CRYBG3: variants seen among roughly 807,000 people sequenced by gnomAD.
CRYBG3 encodes crystallin beta-gamma domain containing 3.
A neutral mutation model predicts 244.2 loss-of-function variants in CRYBG3; 127 were observed. That is an observed-to-expected ratio of 0.52 (90% CI 0.45 to 0.60). The LOEUF is 0.60. Ranked by LOEUF, CRYBG3 falls within the 20% of genes least tolerant of loss-of-function variation. The probability of loss-of-function intolerance (pLI) is 0.00; values close to 1 mark genes in which losing one functional copy is unlikely to be tolerated. For missense variants in CRYBG3, 3,325 were observed against 3,442.5 expected (o/e 0.97, Z 0.85); for synonymous variants, 1,132 against 1,195.8 (o/e 0.95, Z 1.10).
rs1472030590 is a variant in CRYBG3 at position 97,881,060 on chromosome 3, C to T, written c.7005-12C>T. On this transcript the variant is annotated splice_polypyrimidine_tract_variant and intron_variant, in intron 6 of 21. Transcript: ENST00000389622. ...TTAAATATAACTCATCATTGCATTT[C>T]TCTTTGTTTAGCTGGATTTTATATG... The T allele has an allele frequency of 3.8e-6, 6 of 1,570,380 alleles. No individual in the cohort carries two copies. Among genetic ancestry groups the T allele is most frequent in the Admixed American group, 2.0e-5 (1 of 50,094 alleles).
chr3:97,870,221 G>A (rs1002389646), intron 3 of CRYBG3, among the ~76,000 whole-genome samples: 5 of 152,132 alleles, frequency 3.3e-5, no homozygotes, highest in African/African-American at 1.2e-4. Flanking sequence ...AGGGTTTGGT[G>A]TACAGATTAT....
intron 12 of CRYBG3, 120 bp downstream of exon 12, chr3:97,896,205 C>A: frequency 1.1e-6 from 1 of 874,814 alleles, no homozygotes; most frequent in Non-Finnish European, 1.7e-6. Context: ...AGAGTATTAA[C>A]CTCAACTGCT....
chr3:97,901,812 G>T (rs985985317), intron 15 of CRYBG3, among the ~76,000 whole-genome samples: 4 of 152,006 alleles, frequency 2.6e-5, no homozygotes, highest in African/African-American at 9.7e-5. Flanking sequence ...GGATTTTCTT[G>T]ATAGTATTTC....
At chr3:97,926,044 G>T (rs1476995335) in intron 17 of CRYBG3, among the ~76,000 whole-genome samples, 2 of 151,944 alleles carry the variant, frequency 1.3e-5, no homozygotes, top group African/African-American at 4.8e-5. Context: ...GAGTGACCCT[G>T]GGCGTGTTTC....
chr3:97,932,912 T>C (rs953171477), intron 17 of CRYBG3, among the ~76,000 whole-genome samples: 3 of 152,124 alleles, frequency 2.0e-5, no homozygotes, highest in African/African-American at 7.2e-5. Flanking sequence ...GCTTGATTCC[T>C]GCTCCCTTCT....
chr3:97,870,026 G>A (rs866401278), intron 3 of CRYBG3, among the ~76,000 whole-genome samples: 108 of 152,066 alleles, frequency 7.1e-4, no homozygotes, highest in Middle Eastern at 3.4e-3. Flanking sequence ...ACTGAATTTC[G>A]AAATTATTCA....
chr3:97,836,223 C>T (rs140411323), intron 1 of CRYBG3, among the ~76,000 whole-genome samples: 11 of 152,190 alleles, frequency 7.2e-5, no homozygotes, highest in African/African-American at 2.6e-4. Context: ...CCTTTCCTCT[C>T]TCCTCCTGAT....
chr3:97,903,252 G>GA (rs562015986), intron 15 of CRYBG3, among the ~76,000 whole-genome samples: 73 of 152,214 alleles, frequency 4.8e-4, no homozygotes, highest in African/African-American at 1.7e-3. Flanking sequence ...ATGTATGGGG[G>GA]ATAGGAAAAT....
At chr3:97,907,141 G>A (rs914667927) in intron 15 of CRYBG3, among the ~76,000 whole-genome samples, 23 of 152,156 alleles carry the variant, frequency 1.5e-4, no homozygotes, top group Admixed American at 7.9e-4. Context: ...TGCTGGATTC[G>A]GTTTGCCAGT....
chr3:97,926,146 T>G (rs954945502), intron 17 of CRYBG3, among the ~76,000 whole-genome samples: 4 of 152,014 alleles, frequency 2.6e-5, no homozygotes, highest in Non-Finnish European at 5.9e-5. Context: ...ATATGCCTGA[T>G]GAACAAAGAT....
intron 17 of CRYBG3, among the ~76,000 whole-genome samples, chr3:97,929,483 C>CT (rs1317363151): frequency 1.3e-5 from 2 of 151,890 alleles, no homozygotes; most frequent in African/African-American, 2.4e-5. Flanking sequence ...ACTGTGTTGA[C>CT]TTTCCTAATC....
At chr3:97,844,610 C>G (rs2038871981) in intron 2 of CRYBG3, among the ~76,000 whole-genome samples, 1 of 152,124 alleles carries the variant, frequency 6.6e-6, no homozygotes, top group African/African-American at 2.4e-5. Context: ...CCCCATTTAG[C>G]CTATACCTGC....
rs2039636030 is a variant in CRYBG3 at position 97,896,038 on chromosome 3, T to G, written c.7654T>G (p.Cys2552Gly). 1.9e-6 allele frequency: 3 copies of G among 1,612,926 alleles called. No individual in the cohort carries two copies. Among genetic ancestry groups the G allele is most frequent in the Non-Finnish European group, 2.5e-6 (3 of 1,179,152 alleles). ...EEGDFEDSNA[C>G]GALSSPILSF... ...AGGAGACTTTGAAGACAGTAATGCT[T>G]GTGGTGCATTAAGTAGCCCTATCTT... The change falls in exon 12 of 22, where the codon TGT (cysteine) becomes GGT (glycine). Residue 2552 changes from cysteine to glycine, a missense_variant. This residue lies in a region of CRYBG3 where 714 missense variants were observed against 803.6 expected (regional missense o/e 0.89). Coordinates refer to ENST00000389622, the MANE Select transcript of CRYBG3 (RefSeq NM_153605.4).
chr3:97,907,687 CA>C (rs1377108524), intron 15 of CRYBG3, among the ~76,000 whole-genome samples: 8 of 151,116 alleles, frequency 5.3e-5, no homozygotes, highest in Admixed American at 2.0e-4. Flanking sequence ...TTGATCCTTT[CA>C]AAAAACCAGC....
At chr3:97,824,922 A>G (rs1329487726) in intron 1 of CRYBG3, among the ~76,000 whole-genome samples, 1 of 152,192 alleles carries the variant, frequency 6.6e-6, no homozygotes, top group Non-Finnish European at 1.5e-5. Flanking sequence ...TGGACTCATT[A>G]GAAGTGATAG....
At chr3:97,938,796 T>TTA (rs1559749792) in intron 19 of CRYBG3, among the ~76,000 whole-genome samples, 6 of 151,704 alleles carry the variant, frequency 4.0e-5, no homozygotes, top group Non-Finnish European at 7.4e-5. Flanking sequence ...TTGAAAATTT[T>TTA]TTATTATTAT....
chr3:97,837,126 T>A (rs2038745624), intron 1 of CRYBG3: 1 of 152,216 alleles, frequency 6.6e-6, no homozygotes, highest in Admixed American at 6.5e-5. Flanking sequence ...CAAAGCATTT[T>A]ACTACTTATG....
chr3:97,876,931 GAAAT>G lies in CRYBG3; in HGVS notation c.5741_5744del (p.Ile1914ArgfsTer4). 1 of 1,478,138 alleles carries G rather than the reference GAAAT, an allele frequency of 6.8e-7. No individual in the cohort carries two copies. Among genetic ancestry groups the G allele is most frequent in the Non-Finnish European group, 9.0e-7 (1 of 1,115,114 alleles). 91.6% of individuals were successfully genotyped at this position (1,478,138 alleles called of 1,614,324 possible). A position where few individuals can be genotyped will look rare whatever the true frequency, so the allele number is the denominator to read the frequency against. On this transcript the variant is annotated frameshift_variant, in exon 4 of 22. Coordinates refer to ENST00000389622, the MANE Select transcript of CRYBG3 (RefSeq NM_153605.4). LOFTEE classifies it high-confidence loss of function. Reference sequence around the variant, plus strand: ...TGAAGAAACAAAGGAAGAGCCTACAGAAATAAAGGAAGGCTTGATAGCACATGAA... The same window carrying G: ...TGAAGAAACAAAGGAAGAGCCTACAGAAAGGAAGGCTTGATAGCACATGAA...
At chr3:97,855,977 A>C (rs923266752) in intron 2 of CRYBG3, among the ~76,000 whole-genome samples, 10 of 152,122 alleles carry the variant, frequency 6.6e-5, no homozygotes, top group African/African-American at 2.4e-4. Flanking sequence ...TTTGAGAGCA[A>C]CCGGTCTGAC....
Sources: allele counts gnomAD v4.1 joint callset (sites outside exome capture counted in the v4.1 genomes callset), GRCh38; gene constraint gnomAD v4.1.1; regional missense constraint gnomAD v4.1.1; transcripts MANE v1.5; gene names NCBI Gene and HGNC (gene_info 2026-07-23, HGNC 2026-07-21).